Variants in VEPH1 observed in about 807,000 individuals in gnomAD.
The protein encoded by VEPH1 is ventricular zone expressed PH domain containing 1, also known as ventricular zone-expressed PH domain-containing protein homolog 1.
Under a neutral mutation model 85.2 loss-of-function variants are expected in VEPH1, and 80 were observed. That is an observed-to-expected ratio of 0.94 (90% CI 0.78 to 1.13). VEPH1 has a LOEUF of 1.13. VEPH1 is among the 50% of genes most tolerant of loss of function. The pLI is 0.00. For missense variants in VEPH1, 955 were observed against 980.5 expected (o/e 0.97, Z 0.35); for synonymous variants, 297 against 348.0 (o/e 0.85, Z 1.63).
chr3:157,462,967 G>A (rs1211063564), intron 3 of VEPH1, among the ~76,000 whole-genome samples: 1 of 152,200 alleles, frequency 6.6e-6, no homozygotes, highest in Non-Finnish European at 1.5e-5. Flanking sequence ...TTAAAGTATT[G>A]AGAAGGGAGG....
chr3:157,456,600 T>G (rs1197782124), intron 4 of VEPH1, among the ~76,000 whole-genome samples: 1 of 152,204 alleles, frequency 6.6e-6, no homozygotes, highest in East Asian at 1.9e-4. Context: ...GACTAGGCAG[T>G]TATTCCAGCA....
intron 7 of VEPH1, among the ~76,000 whole-genome samples, chr3:157,366,736 AAACAACAAC>A (rs554197910): frequency 6.6e-6 from 1 of 152,186 alleles, no homozygotes; most frequent in East Asian, 1.9e-4. Flanking sequence ...ACTGTCTCAA[AAACAACAAC>A]AACAACAACA....
At chr3:157,385,528 AAAT>A (rs1231364518) in intron 6 of VEPH1, among the ~76,000 whole-genome samples, 2 of 152,198 alleles carry the variant, frequency 1.3e-5, no homozygotes, top group African/African-American at 2.4e-5. Flanking sequence ...TTTCATTAAA[AAAT>A]CACATTTTCA....
chr3:157,394,939 G>C (rs1419192974), intron 6 of VEPH1, among the ~76,000 whole-genome samples: 1 of 151,980 alleles, frequency 6.6e-6, no homozygotes, highest in East Asian at 1.9e-4. Context: ...AGCATATACA[G>C]CCTTCTGGGG....
At chr3:157,283,863 T>C (rs1716442071) in intron 12 of VEPH1, among the ~76,000 whole-genome samples, 1 of 152,218 alleles carries the variant, frequency 6.6e-6, no homozygotes, top group Non-Finnish European at 1.5e-5. Context: ...CCCAGTTTAT[T>C]TGGCCTTTTG....
intron 4 of VEPH1, chr3:157,459,842 G>A (rs904496310): frequency 4.5e-5 from 68 of 1,526,082 alleles, no homozygotes; most frequent in Non-Finnish European, 5.5e-5. Flanking sequence ...ACTGAGTGAC[G>A]TGTTCCACTC....
intron 5 of VEPH1, among the ~76,000 whole-genome samples, chr3:157,417,132 G>A (rs1337923495): frequency 6.6e-6 from 1 of 151,992 alleles, no homozygotes; most frequent in Non-Finnish European, 1.5e-5. Context: ...AGAAAACACA[G>A]GTATTTCTTG....
chr3:157,447,148 A>G (rs1232286275), intron 4 of VEPH1, among the ~76,000 whole-genome samples: 1 of 152,218 alleles, frequency 6.6e-6, no homozygotes. Context: ...ATTCTTTTCC[A>G]TTGTGGGTAA....
chr3:157,362,802 A>T (rs985110710), intron 9 of VEPH1, among the ~76,000 whole-genome samples: 3 of 152,198 alleles, frequency 2.0e-5, no homozygotes, highest in African/African-American at 7.2e-5. Flanking sequence ...GTGCATTTTC[A>T]ACTTATAATG....
intron 11 of VEPH1, among the ~76,000 whole-genome samples, chr3:157,312,072 A>G (rs1028666750): frequency 6.6e-6 from 1 of 152,162 alleles, no homozygotes; most frequent in Non-Finnish European, 1.5e-5. Flanking sequence ...ATATTATGTT[A>G]GTTTCACAAG....
intron 4 of VEPH1, chr3:157,442,839 T>A: frequency 1.2e-6 from 2 of 1,614,228 alleles, no homozygotes; most frequent in Non-Finnish European, 8.5e-7. Flanking sequence ...ACTCACAGGC[T>A]TCAATATCTG....
At chr3:157,344,527 G>A (rs1723972477) in intron 9 of VEPH1, among the ~76,000 whole-genome samples, 1 of 152,214 alleles carries the variant, frequency 6.6e-6, no homozygotes, top group Non-Finnish European at 1.5e-5. Flanking sequence ...CGAAATAAAA[G>A]AGGATACAAA....
rs564705353 is a variant in VEPH1, at chr3:157,350,895, A to G, written c.1735+12469T>C. The stretch of plus-strand genomic sequence containing the variant: ...AACAAATGCTGGTGAGGATGCAGAG[A>G]AAAGAGTACTCTTACATGCTGTTCG... On this transcript the variant is annotated intron_variant, in intron 9 of 13. Transcript: ENST00000362010. Among the ~76,000 whole-genome samples, 15 of 152,346 alleles carry G rather than the reference A, an allele frequency of 9.8e-5. No homozygotes were observed. The South Asian group carries it at 2.7e-3, about 27-fold the overall frequency.
At chr3:157,426,242 T>C (rs1442752657) in intron 5 of VEPH1, among the ~76,000 whole-genome samples, 1 of 152,222 alleles carries the variant, frequency 6.6e-6, no homozygotes, top group Non-Finnish European at 1.5e-5. Context: ...AGTTTCTGTC[T>C]GTGTATCCTC....
In VEPH1 at chr3:157,399,364, G is replaced by A. The variant is rs141959676; in HGVS notation, c.906+14517C>T. On this transcript the variant is annotated intron_variant, in intron 6 of 13. Transcript: ENST00000362010. ...CAATTTCTCCTTTAAAAGCAGTTAC[G>A]TGATTACATCAAAACACTATACAAC... 3.0e-3 allele frequency among the ~76,000 whole-genome samples: 459 copies of A among 152,238 alleles called. 9 individuals are homozygous for A. The East Asian group carries it at 0.044, about 15-fold the overall frequency.
intron 9 of VEPH1, among the ~76,000 whole-genome samples, chr3:157,359,955 T>G (rs1725863272): frequency 6.6e-6 from 1 of 152,218 alleles, no homozygotes. Flanking sequence ...CCTTTAACTT[T>G]AAATGTTTCA....
chr3:157,404,031 C>T (rs11926562), intron 6 of VEPH1, among the ~76,000 whole-genome samples: 12,849 of 152,074 alleles, frequency 0.084, 783 homozygotes, highest in African/African-American at 0.17. Flanking sequence ...GGATGGAGAC[C>T]GACAGATCCT....
chr3:157,485,989 T>C (rs1738596502), intron 2 of VEPH1, among the ~76,000 whole-genome samples: 2 of 152,118 alleles, frequency 1.3e-5, no homozygotes, highest in African/African-American at 2.4e-5. Context: ...CAAGGAGAAA[T>C]TGGCAAACCC....
rs1211168676 is a variant in VEPH1, at chr3:157,438,033, GCGCGCACA to G, written c.530-9553_530-9546del. 5,144 of 793,716 alleles carry G rather than the reference GCGCGCACA, an allele frequency of 6.5e-3. 220 individuals carry two copies. In the African/African-American group the frequency reaches 0.094, roughly 15 times the overall value. The allele number at this position is 793,716 out of a possible 1,614,324, so 49.2% of individuals were successfully genotyped here. ...GCTTTCATGGGAAGCGCGCGCGCGC[GCGCGCACA>G]CACACACACACACACACACACACAC... On this transcript the variant is annotated intron_variant, in intron 4 of 13. Coordinates refer to ENST00000362010, the MANE Select transcript of VEPH1 (RefSeq NM_001167912.2).
Sources: gnomAD v4.1 joint callset for allele counts (sites outside exome capture counted in the v4.1 genomes callset) on GRCh38, gnomAD v4.1.1 for gene constraint, MANE v1.5 for transcripts, NCBI Gene and HGNC (gene_info 2026-07-23, HGNC 2026-07-21) for gene names.